The following NAALADL2 variants were observed in gnomAD, a reference collection of about 807,000 sequenced individuals.
NAALADL2 encodes the protein inactive N-acetylated-alpha-linked acidic dipeptidase-like protein 2.
A neutral mutation model predicts 87.2 loss-of-function variants in NAALADL2; 76 were observed. The observed-to-expected ratio is 0.87, with a 90% CI of 0.72 to 1.05. The LOEUF (loss-of-function observed/expected upper bound fraction) is 1.05. Among genes scored for constraint, NAALADL2 ranks in the 50% least tolerant of loss-of-function variants. NAALADL2 has a pLI of 0.00. For missense variants in NAALADL2, 1,089 were observed against 945.8 expected, an observed-to-expected ratio of 1.15 and a Z score of -1.99; for synonymous variants, 354 against 331.0, an observed-to-expected ratio of 1.07 and a Z score of -0.75.
chr3:175,038,458 G>C (rs1753677811), intron 1 of NAALADL2, among the ~76,000 whole-genome samples: 1 of 152,088 alleles, frequency 6.6e-6, no homozygotes, highest in African/African-American at 2.4e-5. Flanking sequence ...ACACACAATT[G>C]CAAGTTGTAG....
In NAALADL2 at chr3:175,772,076, C is replaced by CG. The variant is rs767875983; in HGVS notation, c.2189+16658_2189+16659insG. Among the ~76,000 whole-genome samples, 46 of 152,068 alleles carry CG rather than the reference C, an allele frequency of 3.0e-4. 1 individual carries two copies. Among genetic ancestry groups the CG allele is most frequent in the Non-Finnish European group, 2.1e-4 (14 of 68,024 alleles). On this transcript the variant is annotated intron_variant, in intron 13 of 13. Transcript: ENST00000454872. The stretch of plus-strand genomic sequence containing the variant: ...TTCAAGATTTGGGTGGGGACACAGC[C>CG]AAACCGTATCAACATCTGCAAAGAC...
chr3:175,036,470 G>C (rs1245083633), intron 1 of NAALADL2, among the ~76,000 whole-genome samples: 2 of 151,602 alleles, frequency 1.3e-5, no homozygotes, highest in Non-Finnish European at 2.9e-5. Flanking sequence ...TGCGATCTCA[G>C]CTCACTTCAA....
At chr3:174,541,743 T>C (rs920715720) in intron 1 of NAALADL2, among the ~76,000 whole-genome samples, 1 of 152,172 alleles carries the variant, frequency 6.6e-6, no homozygotes, top group African/African-American at 2.4e-5. Context: ...AAATAGGCAA[T>C]GATTAGGTAC....
At chr3:175,250,025 C>T (rs949114182) in intron 3 of NAALADL2, among the ~76,000 whole-genome samples, 6 of 151,922 alleles carry the variant, frequency 3.9e-5, no homozygotes, top group Admixed American at 2.0e-4. Flanking sequence ...CAAAATTAGC[C>T]GGGCGTGGTG....
At position 175,648,492 on chromosome 3, in the gene NAALADL2, C is replaced by CTT. The variant is rs530477119; in HGVS notation, c.1896+21120_1896+21121dup. On this transcript the variant is annotated intron_variant, in intron 11 of 13. Transcript: ENST00000454872. ...AGCATTTTGAAATTCAGACAATTTTCTTTTTTTTTTTTTTTGCTTTCTTCC... is the reference window on the plus strand; with the variant it reads ...AGCATTTTGAAATTCAGACAATTTTCTTTTTTTTTTTTTTTTTGCTTTCTTCC... Among the ~76,000 whole-genome samples the CTT allele has an allele frequency of 9.0e-3, 1,148 of 127,720 alleles. 10 individuals carry two copies. Among genetic ancestry groups the CTT allele is most frequent in the Non-Finnish European group, 0.015 (888 of 58,330 alleles). The allele number at this position is 127,720 out of a possible 152,430, so 83.8% of individuals were successfully genotyped here.
intron 1 of NAALADL2, among the ~76,000 whole-genome samples, chr3:174,883,240 G>A (rs1167827402): frequency 1.3e-5 from 2 of 151,920 alleles, no homozygotes; most frequent in Non-Finnish European, 2.9e-5. Context: ...ATCTCCTTTG[G>A]CTACACCCTC....
At chr3:174,672,595 C>G (rs1726667695) in intron 2 of NAALADL2, among the ~76,000 whole-genome samples, 1 of 152,126 alleles carries the variant, frequency 6.6e-6, no homozygotes, top group South Asian at 2.1e-4. Flanking sequence ...GGCCGAAATA[C>G]TTTCTAATGA....
chr3:175,614,034 A>G (rs779783343), intron 10 of NAALADL2, among the ~76,000 whole-genome samples: 10 of 152,128 alleles, frequency 6.6e-5, no homozygotes, highest in Non-Finnish European at 1.2e-4. Context: ...GCTCTCACAA[A>G]GTAGGCATGC....
intron 1 of NAALADL2, among the ~76,000 whole-genome samples, chr3:174,969,069 T>C (rs1400822587): frequency 6.6e-6 from 1 of 152,226 alleles, no homozygotes; most frequent in Non-Finnish European, 1.5e-5. Flanking sequence ...CTGGAACTGG[T>C]ATGGCTCTGA....
At chr3:175,704,246 G>A (rs1739364086) in intron 11 of NAALADL2, among the ~76,000 whole-genome samples, 2 of 152,150 alleles carry the variant, frequency 1.3e-5, no homozygotes, top group South Asian at 2.1e-4. Flanking sequence ...TTAGTAGAAA[G>A]TGGGGCTGTT....
At chr3:175,652,589 C>T (rs1425846165) in intron 11 of NAALADL2, among the ~76,000 whole-genome samples, 4 of 151,612 alleles carry the variant, frequency 2.6e-5, no homozygotes, top group Middle Eastern at 3.4e-3. Context: ...CGCCATTCTC[C>T]TGCCTCAGCC....
chr3:174,604,287 T>G (rs942559140), intron 2 of NAALADL2, among the ~76,000 whole-genome samples: 3 of 152,194 alleles, frequency 2.0e-5, no homozygotes, highest in African/African-American at 7.2e-5. Context: ...TATATCATCT[T>G]GCTGAATTGA....
chr3:174,697,458 T>C (rs956587057), intron 2 of NAALADL2, among the ~76,000 whole-genome samples: 3 of 152,168 alleles, frequency 2.0e-5, no homozygotes, highest in African/African-American at 7.2e-5. Context: ...TAAGTCACAT[T>C]AGTTCAGCTT....
At chr3:175,795,808 C>A (rs1753405545) in intron 13 of NAALADL2, among the ~76,000 whole-genome samples, 1 of 151,928 alleles carries the variant, frequency 6.6e-6, no homozygotes, top group African/African-American at 2.4e-5. Context: ...AATCTAATGG[C>A]TTAAAAAAAT....
chr3:174,915,895 A>T (rs920326502), intron 1 of NAALADL2, among the ~76,000 whole-genome samples: 1 of 152,206 alleles, frequency 6.6e-6, no homozygotes, highest in African/African-American at 2.4e-5. Context: ...CAAACTAAAA[A>T]GCTTCTGCAC....
At position 175,108,032 on chromosome 3, in the gene NAALADL2, T is replaced by C. The variant is rs532682958; in HGVS notation, c.545+10741T>C. 8.2e-4 allele frequency among the ~76,000 whole-genome samples: 124 copies of C among 152,040 alleles called. 2 individuals carry two copies. In the South Asian group the frequency reaches 0.023, roughly 28 times the overall value. On this transcript the variant is annotated intron_variant, in intron 2 of 13. Transcript: ENST00000454872. ...AATATATTAAATTTTATATGCCTGA[T>C]TTGGGAAATCAGTTTCTGTCTTCAG... is the stretch of plus-strand genomic sequence containing the variant.
intron 5 of NAALADL2, among the ~76,000 whole-genome samples, chr3:175,368,356 T>C (rs1389909062): frequency 6.6e-6 from 1 of 152,198 alleles, no homozygotes; most frequent in East Asian, 1.9e-4. Context: ...GGTATCAGGA[T>C]GATGCTGGCC....
At chr3:175,132,768 G>A (rs868488005) in intron 2 of NAALADL2, among the ~76,000 whole-genome samples, 12 of 150,452 alleles carry the variant, frequency 8.0e-5, no homozygotes, top group Admixed American at 2.0e-4. Context: ...CGGACAGGGC[G>A]GCTCTCCTGG....
intron 2 of NAALADL2, among the ~76,000 whole-genome samples, chr3:175,233,727 C>T (rs1360531698): frequency 6.6e-6 from 1 of 152,104 alleles, no homozygotes; most frequent in African/African-American, 2.4e-5. Flanking sequence ...CATGAGCTAC[C>T]ACAAGGGCCG....
Sources: allele counts gnomAD v4.1 joint callset (sites outside exome capture counted in the v4.1 genomes callset), GRCh38; gene constraint gnomAD v4.1.1; transcripts MANE v1.5; gene names NCBI Gene and HGNC (gene_info 2026-07-23, HGNC 2026-07-21).